Variants in MATN2 observed in about 807,000 individuals in gnomAD.
The protein encoded by MATN2 is matrilin-2.
MATN2 carries 69 observed loss-of-function variants against 103.2 expected under a neutral mutation model. That is an observed-to-expected ratio of 0.67 (90% CI 0.55 to 0.82). The LOEUF (loss-of-function observed/expected upper bound fraction) is 0.82. MATN2 is among the 40% of genes least tolerant of loss of function. The pLI, the probability that MATN2 is intolerant of heterozygous loss-of-function variation, is 0.00. For synonymous variants in MATN2, 429 were observed against 450.2 expected, an observed-to-expected ratio of 0.95 and a Z score of 0.60; for missense variants, 1,023 against 1,211.5, an observed-to-expected ratio of 0.84 and a Z score of 2.31.
rs1484941472 is a variant in MATN2, at chr8:97,991,198, G to A, written c.1082-3282G>A. ...TAGTCAGGAGCCACACGTGGCCACT[G>A]AGCACTTGAGATACAGCCAGTGCAA... On this transcript the variant is annotated intron_variant, in intron 6 of 18. Coordinates refer to ENST00000254898, the MANE Select transcript of MATN2 (RefSeq NM_002380.5). Among the ~76,000 whole-genome samples the A allele has an allele frequency of 3.9e-5, 6 of 152,146 alleles. No individual in the cohort carries two copies. The South Asian group carries it at 8.3e-4, about 21-fold the overall frequency.
chr8:97,904,522 G>T (rs1819096122), intron 2 of MATN2, among the ~76,000 whole-genome samples: 2 of 152,298 alleles, frequency 1.3e-5, no homozygotes, highest in East Asian at 1.9e-4. Flanking sequence ...TGGGGGATGG[G>T]TGTGTGTGCT....
At position 98,021,286 on chromosome 8, in the gene MATN2, C is replaced by T. The variant is rs1586164847; in HGVS notation, c.1901C>T (p.Ser634Leu). 14 of 1,613,616 alleles carry T rather than the reference C, an allele frequency of 8.7e-6. No individual in the cohort carries two copies. The East Asian group carries it at 3.1e-4, about 36-fold the overall frequency. The change falls in exon 13 of 19, where the codon TCA (serine) becomes TTA (leucine). Residue 634 changes from serine (S) to leucine (L), a missense_variant. Physicochemically the swap from Ser to Leu is moderately radical, Grantham distance 145. Transcript: ENST00000254898. Reference protein sequence around the residue: ...NNGNSYICKCSEGFVLAEDGR... With the variant: ...NNGNSYICKCLEGFVLAEDGR... ...GGGAATTCCTACATCTGCAAATGCT[C>T]AGAGGGATTTGTTCTAGCTGAGGAC...
intron 2 of MATN2, among the ~76,000 whole-genome samples, chr8:97,898,952 C>T (rs1052739044): frequency 1.3e-5 from 2 of 151,912 alleles, no homozygotes; most frequent in African/African-American, 4.8e-5. Flanking sequence ...GACAGGGTTT[C>T]ACCATGTTGG....
At chr8:98,032,992 T>C (rs1260595142) in intron 16 of MATN2, 50 bp from the exon 17 acceptor site, 1 of 1,557,968 alleles carries the variant, frequency 6.4e-7, no homozygotes, top group South Asian at 1.3e-5. Context: ...GGCTGTTTTA[T>C]AACCAAAAGC....
At chr8:97,899,265 G>T (rs1818909003) in intron 2 of MATN2, among the ~76,000 whole-genome samples, 2 of 152,162 alleles carry the variant, frequency 1.3e-5, no homozygotes, top group South Asian at 4.1e-4. Flanking sequence ...GTTCGTCACT[G>T]TACCAGCATA....
At chr8:97,951,589 C>T (rs897189) in intron 4 of MATN2, among the ~76,000 whole-genome samples, 80,896 of 151,918 alleles carry the variant, frequency 0.53, 21,970 homozygotes, top group East Asian at 0.77. Flanking sequence ...TGTCGATGTA[C>T]GCTGCAGTTT....
At chr8:97,988,534 G>A (rs1345234679) in intron 6 of MATN2, among the ~76,000 whole-genome samples, 1 of 152,072 alleles carries the variant, frequency 6.6e-6, no homozygotes, top group East Asian at 1.9e-4. Context: ...GCTGAGGCAG[G>A]AGGGTTGCTT....
chr8:97,919,307 G>A (rs765968915), intron 2 of MATN2, among the ~76,000 whole-genome samples: 14 of 152,288 alleles, frequency 9.2e-5, no homozygotes, highest in South Asian at 2.1e-4. Flanking sequence ...ACCACAGCTC[G>A]CTGCAGCCTC....
At chr8:97,971,037 TGGAAG>T (rs1026189146) in intron 5 of MATN2, among the ~76,000 whole-genome samples, 5 of 152,048 alleles carry the variant, frequency 3.3e-5, no homozygotes, top group Non-Finnish European at 7.4e-5. Context: ...GGGAGGAGTA[TGGAAG>T]AGGAGTTGGT....
intron 1 of MATN2, among the ~76,000 whole-genome samples, chr8:97,872,341 A>G (rs970464593): frequency 6.6e-6 from 1 of 152,258 alleles, no homozygotes; most frequent in African/African-American, 2.4e-5. Context: ...TTCTAAAAGT[A>G]CTGTCAGAGG....
chr8:97,888,757 G>A (rs895864493), intron 2 of MATN2, among the ~76,000 whole-genome samples: 6 of 152,116 alleles, frequency 3.9e-5, no homozygotes, highest in Admixed American at 3.9e-4. Context: ...GAAAACACAC[G>A]GAAAACATGT....
intron 2 of MATN2, among the ~76,000 whole-genome samples, chr8:97,916,189 C>T (rs567479980): frequency 2.6e-4 from 39 of 152,076 alleles, no homozygotes; most frequent in Non-Finnish European, 4.3e-4. Context: ...CATGCCTCAG[C>T]GTCCCAAGTA....
intron 6 of MATN2, among the ~76,000 whole-genome samples, chr8:97,988,151 C>T (rs1586127187): frequency 3.0e-5 from 1 of 33,284 alleles, no homozygotes; most frequent in East Asian, 4.1e-4. Context: ...CCCATCTCCA[C>T]CAAAAAAAAA....
chr8:97,966,320 C>T (rs973965080), intron 5 of MATN2, among the ~76,000 whole-genome samples: 4 of 151,914 alleles, frequency 2.6e-5, no homozygotes, highest in African/African-American at 9.7e-5. Context: ...CTTTGTGAGG[C>T]CAAGGTGGGA....
intron 13 of MATN2, 57 bp downstream of exon 13, chr8:98,021,384 T>C: frequency 6.3e-7 from 1 of 1,585,436 alleles, no homozygotes; most frequent in South Asian, 1.1e-5. Flanking sequence ...AACTGCTTTT[T>C]GGAGTATTTT....
chr8:98,011,612 C>CTGCTTAACTAATT (rs768073428), intron 10 of MATN2, among the ~76,000 whole-genome samples: 12 of 152,198 alleles, frequency 7.9e-5, no homozygotes, highest in Non-Finnish European at 1.8e-4. Flanking sequence ...ATTAAGTTAG[C>CTGCTTAACTAATT]AAAGGATTGG....
At chr8:97,874,389 CTCTTCT>C (rs10635068) in intron 1 of MATN2, among the ~76,000 whole-genome samples, 1 of 139,938 alleles carries the variant, frequency 7.1e-6, no homozygotes, top group East Asian at 2.0e-4. Context: ...TTCTGCCTTC[CTCTTCT>C]TCTTCTTCTT....
chr8:98,033,231 G>C (rs1814106809), intron 17 of MATN2, 55 bp downstream of exon 17: 9 of 1,467,672 alleles, frequency 6.1e-6, no homozygotes, highest in Non-Finnish European at 8.2e-6. Flanking sequence ...CTTTCGGCTT[G>C]CCAACAACCT....
chr8:97,875,228 G>A (rs1339819657), intron 1 of MATN2, among the ~76,000 whole-genome samples: 1 of 152,138 alleles, frequency 6.6e-6, no homozygotes, highest in Non-Finnish European at 1.5e-5. Context: ...TCCAAATAGT[G>A]TCCGCCTGGG....
Sources: allele counts gnomAD v4.1 joint callset (sites outside exome capture counted in the v4.1 genomes callset), GRCh38; gene constraint gnomAD v4.1.1; transcripts MANE v1.5; gene names NCBI Gene and HGNC (gene_info 2026-07-23, HGNC 2026-07-21).